Variants in WNK3 observed in about 807,000 individuals in gnomAD.
The protein encoded by WNK3 is WNK lysine deficient protein kinase 3, also known as serine/threonine-protein kinase WNK3.
WNK3 carries 18 observed loss-of-function variants against 116.7 expected under a neutral mutation model. The ratio of observed to expected loss-of-function variants is 0.15; its 90% CI spans 0.11 to 0.23. The LOEUF is 0.23. Ranked by LOEUF, WNK3 falls within the 10% of genes least tolerant of loss-of-function variation. The pLI, the probability that WNK3 is intolerant of heterozygous loss-of-function variation, is 1.00. For missense variants in WNK3, 993 were observed against 1,323.8 expected, an observed-to-expected ratio of 0.75 and a Z score of 3.88; for synonymous variants, 404 against 469.4, an observed-to-expected ratio of 0.86 and a Z score of 1.80.
chrX:54,299,237 C>T (rs1171365227), intron 6 of WNK3, among the ~76,000 whole-genome samples: 1 of 111,461 alleles, frequency 9.0e-6, no homozygotes. Context: ...TCTTACACTA[C>T]ATAAACAGAA....
At chrX:54,193,483 C>A (rs1403613642) in exon 24 of WNK3, 1 of 111,348 alleles carries the variant, frequency 9.0e-6, no homozygotes, top group Non-Finnish European at 1.9e-5. Context: ...TCTCTCTTCC[C>A]TTCTTGCTTG....
intron 12 of WNK3, 80 bp from the exon 13 acceptor site, chrX:54,254,155 T>C: frequency 1.7e-6 from 1 of 571,494 alleles, no homozygotes; most frequent in Non-Finnish European, 2.9e-6. Context: ...TCTACACTAG[T>C]TCACGTACAA....
intron 3 of WNK3, among the ~76,000 whole-genome samples, chrX:54,310,062 G>C (rs1261077878): frequency 9.1e-6 from 1 of 109,749 alleles, no homozygotes; most frequent in Non-Finnish European, 1.9e-5. Context: ...ATATTTACAA[G>C]TCATTATTCA....
exon 18 of WNK3, chrX:54,239,014 G>C (rs1557150928): frequency 8.3e-7 from 1 of 1,209,791 alleles, no homozygotes. Flanking sequence ...TCCACCTCCT[G>C]TCTGCAGATG....
At chrX:54,304,810 T>C (rs1179990500) in intron 5 of WNK3, among the ~76,000 whole-genome samples, 3 of 110,561 alleles carry the variant, frequency 2.7e-5, no homozygotes, top group Non-Finnish European at 5.7e-5. Context: ...TAAAACTAAA[T>C]TATAAAAGTT....
chrX:54,330,433 C>T (rs180944833), intron 2 of WNK3, among the ~76,000 whole-genome samples: 5 of 110,042 alleles, frequency 4.5e-5, no homozygotes, highest in South Asian at 3.9e-4. Flanking sequence ...GGCACACATC[C>T]GCAGTCCCAG....
At chrX:54,200,622 G>C (rs2067491972) in intron 23 of WNK3, among the ~76,000 whole-genome samples, 1 of 111,467 alleles carries the variant, frequency 9.0e-6, no homozygotes, top group Non-Finnish European at 1.9e-5. Context: ...GTAAGTGACT[G>C]AGCTGACATT....
intron 3 of WNK3, among the ~76,000 whole-genome samples, chrX:54,310,105 C>A (rs2068869500): frequency 9.2e-6 from 1 of 109,002 alleles, no homozygotes; most frequent in Non-Finnish European, 1.9e-5. Flanking sequence ...AAATAAAAGA[C>A]TATAATTAAT....
At chrX:54,207,509 C>CTTTTTT (rs782017192) in intron 22 of WNK3, among the ~76,000 whole-genome samples, 30 of 84,245 alleles carry the variant, frequency 3.6e-4, no homozygotes, top group Admixed American at 7.1e-4. Context: ...GCCCATTTAT[C>CTTTTTT]TTTTTTTTTT....
intron 17 of WNK3, among the ~76,000 whole-genome samples, chrX:54,248,038 C>A (rs1304822237): frequency 2.7e-5 from 3 of 110,292 alleles, no homozygotes; most frequent in Middle Eastern, 4.3e-3. Context: ...GTCAAGAGTT[C>A]GAGACCAGCC....
chrX:54,342,669 G>A (rs1557176683), intron 1 of WNK3, among the ~76,000 whole-genome samples: 1 of 107,903 alleles, frequency 9.3e-6, no homozygotes, highest in Admixed American at 1.0e-4. Context: ...ACCCCTCATT[G>A]TGTCCACTCT....
At chrX:54,346,044 TTTA>T (rs1164582384) in intron 1 of WNK3, among the ~76,000 whole-genome samples, 4 of 108,109 alleles carry the variant, frequency 3.7e-5, no homozygotes, top group African/African-American at 1.3e-4. Context: ...CTTTGTGTTT[TTTA>T]TTTTTATATC....
intron 5 of WNK3, among the ~76,000 whole-genome samples, chrX:54,305,364 A>C (rs2068812135): frequency 9.0e-6 from 1 of 111,629 alleles, no homozygotes; most frequent in Non-Finnish European, 1.9e-5. Flanking sequence ...TGGTAACCTG[A>C]AATCAGCCAT....
chrX:54,199,047 A>G (rs1557141051), intron 23 of WNK3, among the ~76,000 whole-genome samples: 1 of 111,704 alleles, frequency 9.0e-6, no homozygotes, highest in African/African-American at 3.3e-5. Context: ...TATATAATGA[A>G]CATTATTAGT....
At chrX:54,238,546 A>G in intron 18 of WNK3, 74 bp from the exon 19 acceptor site, 1 of 1,032,612 alleles carries the variant, frequency 9.7e-7, no homozygotes. Flanking sequence ...ACATTACCAA[A>G]AATGAAGAAA....
chrX:54,245,944 T>C (rs1320670223), intron 17 of WNK3, among the ~76,000 whole-genome samples: 2 of 112,422 alleles, frequency 1.8e-5, no homozygotes, highest in African/African-American at 6.4e-5. Flanking sequence ...TGAAAATTAC[T>C]GCGCCCAGCC....
exon 20 of WNK3, chrX:54,237,230 C>T: frequency 8.3e-7 from 1 of 1,212,077 alleles, no homozygotes; most frequent in Non-Finnish European, 1.1e-6. Flanking sequence ...ATGCTACTTC[C>T]TGTGGCTGAA....
intron 10 of WNK3, among the ~76,000 whole-genome samples, chrX:54,286,912 C>CG (rs1186415084): frequency 1.1e-3 from 79 of 70,994 alleles, no homozygotes; most frequent in African/African-American, 3.7e-3. Context: ...GACCCCATCT[C>CG]AAAAAAAAAA....
intron 1 of WNK3, among the ~76,000 whole-genome samples, chrX:54,348,740 G>T (rs997692253): frequency 1.3e-4 from 15 of 111,117 alleles, no homozygotes; most frequent in African/African-American, 4.6e-4. Context: ...GTTTCAATTA[G>T]CATTTATCCT....
Sources: allele counts gnomAD v4.1 joint callset (sites outside exome capture counted in the v4.1 genomes callset), GRCh38; gene constraint gnomAD v4.1.1; transcripts MANE v1.5; gene names NCBI Gene and HGNC (gene_info 2026-07-23, HGNC 2026-07-21).